BICC1: variants seen among roughly 807,000 people sequenced by gnomAD.
BICC1 encodes protein bicaudal C homolog 1.
In BICC1, 43 loss-of-function variants were observed where a neutral mutation model predicts 111.0. That is an observed-to-expected ratio of 0.39 (90% CI 0.30 to 0.50). The LOEUF (loss-of-function observed/expected upper bound fraction) is 0.50. Ranked by LOEUF, BICC1 falls within the 20% of genes least tolerant of loss-of-function variation. The pLI, the probability that BICC1 is intolerant of heterozygous loss-of-function variation, is 0.88. For missense variants in BICC1, 1,091 were observed against 1,203.2 expected (o/e 0.91, Z 1.38); for synonymous variants, 467 against 434.4 (o/e 1.07, Z -0.93).
intron 1 of BICC1, among the ~76,000 whole-genome samples, chr10:58,514,861 T>C (rs1386249545): frequency 6.6e-6 from 1 of 152,230 alleles, no homozygotes; most frequent in African/African-American, 2.4e-5. Flanking sequence ...AAACAAAATA[T>C]TAAATTTATG....
intron 1 of BICC1, among the ~76,000 whole-genome samples, chr10:58,520,402 G>C (rs1842357954): frequency 6.6e-6 from 1 of 152,112 alleles, no homozygotes; most frequent in Non-Finnish European, 1.5e-5. Context: ...GCAGTCTCCA[G>C]AGAGCACAAA....
At chr10:58,692,112 G>A (rs1564557009) in intron 2 of BICC1, among the ~76,000 whole-genome samples, 1 of 152,092 alleles carries the variant, frequency 6.6e-6, no homozygotes. Flanking sequence ...CCAGCTTGTT[G>A]GTGATATTGT....
intron 2 of BICC1, among the ~76,000 whole-genome samples, chr10:58,673,115 A>G (rs1480681984): frequency 6.6e-6 from 1 of 152,150 alleles, no homozygotes; most frequent in African/African-American, 2.4e-5. Flanking sequence ...GCTTCTTTGG[A>G]AATTTTCATT....
At chr10:58,649,723 T>C (rs1476752114) in intron 2 of BICC1, among the ~76,000 whole-genome samples, 1 of 152,170 alleles carries the variant, frequency 6.6e-6, no homozygotes, top group Admixed American at 6.5e-5. Context: ...TAATCTCTAT[T>C]GGTACTATTC....
rs369507688 is a variant in BICC1 at position 58,674,392 on chromosome 10, C to A, written c.238-27682C>A. Among the ~76,000 whole-genome samples the A allele has an allele frequency of 6.6e-5, 10 of 152,054 alleles. No homozygotes were observed. The East Asian group carries it at 7.7e-4, about 12-fold the overall frequency. On this transcript the variant is annotated intron_variant, in intron 2 of 20. Transcript: ENST00000373886. Reference sequence around the variant, plus strand: ...ATTAGTGAAGGGGTGTTAGTGAATGCCAAGAAAATGAGACAATATATTTCT... The same window carrying A: ...ATTAGTGAAGGGGTGTTAGTGAATGACAAGAAAATGAGACAATATATTTCT...
intron 17 of BICC1, among the ~76,000 whole-genome samples, chr10:58,811,532 G>C (rs534092400): frequency 5.9e-5 from 9 of 152,236 alleles, no homozygotes; most frequent in Non-Finnish European, 1.2e-4. Context: ...GTTAGTGAAG[G>C]CGTCCCATAG....
intron 3 of BICC1, among the ~76,000 whole-genome samples, chr10:58,704,809 G>A (rs1240189996): frequency 6.6e-6 from 1 of 152,142 alleles, no homozygotes; most frequent in African/African-American, 2.4e-5. Context: ...ACAGCCATAG[G>A]TTTGTGTTGC....
intron 3 of BICC1, among the ~76,000 whole-genome samples, chr10:58,703,057 G>A (rs151018838): frequency 5.9e-5 from 9 of 151,536 alleles, no homozygotes; most frequent in Non-Finnish European, 7.4e-5. Flanking sequence ...ATTGCATTTC[G>A]TTAGAGTTAC....
chr10:58,775,198 C>A (rs748480375), intron 3 of BICC1, among the ~76,000 whole-genome samples: 10 of 151,968 alleles, frequency 6.6e-5, no homozygotes, highest in Non-Finnish European at 1.3e-4. Flanking sequence ...CATGGAGAAA[C>A]TGCATCTCTA....
chr10:58,686,916 C>T (rs1002035696), intron 2 of BICC1, among the ~76,000 whole-genome samples: 13 of 152,148 alleles, frequency 8.5e-5, no homozygotes, highest in African/African-American at 2.9e-4. Context: ...CCATTGCTGG[C>T]GAGGAGGCGC....
intron 20 of BICC1, chr10:58,823,844 T>C: frequency 1.0e-6 from 1 of 985,314 alleles, no homozygotes; most frequent in Non-Finnish European, 1.2e-6. Context: ...AGTTTGCCTT[T>C]AAATATATTC....
intron 1 of BICC1, among the ~76,000 whole-genome samples, chr10:58,579,500 C>T (rs984352166): frequency 1.3e-5 from 2 of 152,112 alleles, no homozygotes; most frequent in Admixed American, 1.3e-4. Flanking sequence ...GATCAGATCC[C>T]GGAGCCACGC....
chr10:58,802,981 T>A, intron 14 of BICC1, 96 bp from the exon 15 acceptor site: 1 of 1,201,806 alleles, frequency 8.3e-7, no homozygotes, highest in Non-Finnish European at 1.1e-6. Flanking sequence ...AAATAGCTGA[T>A]GATGATAAAC....
chr10:58,579,700 T>C (rs1844214374), intron 1 of BICC1, among the ~76,000 whole-genome samples: 2 of 152,198 alleles, frequency 1.3e-5, no homozygotes, highest in African/African-American at 4.8e-5. Flanking sequence ...TCTCTCCTAC[T>C]GCTGAGCCTG....
intron 1 of BICC1, among the ~76,000 whole-genome samples, chr10:58,565,638 A>G (rs940227961): frequency 2.0e-5 from 3 of 152,162 alleles, no homozygotes; most frequent in Non-Finnish European, 4.4e-5. Context: ...CATATTAATT[A>G]GATCTCTCTT....
intron 8 of BICC1, among the ~76,000 whole-genome samples, chr10:58,791,738 T>G (rs1354203031): frequency 6.7e-6 from 1 of 148,928 alleles, no homozygotes; most frequent in Non-Finnish European, 1.5e-5. Flanking sequence ...AGACTCCGTT[T>G]AAAAAAAAAA....
chr10:58,602,580 A>G (rs1845075909), intron 1 of BICC1, among the ~76,000 whole-genome samples: 1 of 152,196 alleles, frequency 6.6e-6, no homozygotes, highest in East Asian at 1.9e-4. Context: ...CAGAGATGAA[A>G]ACTGATGGCT....
chr10:58,595,182 G>A (rs936946963), intron 1 of BICC1, among the ~76,000 whole-genome samples: 1 of 152,170 alleles, frequency 6.6e-6, no homozygotes, highest in Non-Finnish European at 1.5e-5. Flanking sequence ...AAATATATGT[G>A]CATCCAACAC....
At chr10:58,543,794 C>A (rs1011606245) in intron 1 of BICC1, among the ~76,000 whole-genome samples, 8 of 147,840 alleles carry the variant, frequency 5.4e-5, no homozygotes, top group Admixed American at 4.1e-4. Flanking sequence ...AGGGTGTGAA[C>A]CACTATGCCT....
Sources: allele counts gnomAD v4.1 joint callset (sites outside exome capture counted in the v4.1 genomes callset), GRCh38; gene constraint gnomAD v4.1.1; transcripts MANE v1.5; gene names NCBI Gene and HGNC (gene_info 2026-07-23, HGNC 2026-07-21).